ARL15: variants seen among roughly 807,000 people sequenced by gnomAD.
ARL15 encodes the protein ADP-ribosylation factor-like protein 15.
ARL15 carries 19 observed loss-of-function variants against 25.2 expected under a neutral mutation model. The ratio of observed to expected loss-of-function variants is 0.75; its 90% CI spans 0.53 to 1.10. The LOEUF is 1.10. Ranked by LOEUF, ARL15 falls within the 50% of genes least tolerant of loss-of-function variation. The pLI is 0.00. For missense variants in ARL15, 220 were observed against 246.0 expected (o/e 0.89, Z 0.71); for synonymous variants, 94 against 86.8 (o/e 1.08, Z -0.46).
At chr5:54,097,687 T>C (rs1202312657) in intron 4 of ARL15, among the ~76,000 whole-genome samples, 1 of 152,242 alleles carries the variant, frequency 6.6e-6, no homozygotes, top group African/African-American at 2.4e-5. Context: ...TGGTTATTTT[T>C]TGGTAAGCCA....
intron 1 of ARL15, among the ~76,000 whole-genome samples, chr5:54,298,878 G>C (rs1405450032): frequency 1.5e-5 from 2 of 131,516 alleles, no homozygotes; most frequent in Non-Finnish European, 3.2e-5. Context: ...CTTTCTGGTT[G>C]CTGTTGGTTT....
At chr5:54,126,555 C>G (rs1236844541) in intron 3 of ARL15, among the ~76,000 whole-genome samples, 1 of 152,178 alleles carries the variant, frequency 6.6e-6, no homozygotes, top group Non-Finnish European at 1.5e-5. Context: ...ATGTGTCCCC[C>G]AAAAAGCATG....
At chr5:54,128,005 T>C (rs749410260) in intron 3 of ARL15, among the ~76,000 whole-genome samples, 2 of 151,352 alleles carry the variant, frequency 1.3e-5, no homozygotes, top group Non-Finnish European at 1.5e-5. Flanking sequence ...TTACACCTTA[T>C]ACAAAAATTA....
chr5:54,060,306 G>A (rs6897728), intron 4 of ARL15, among the ~76,000 whole-genome samples: 15,843 of 152,024 alleles, frequency 0.1, 1,222 homozygotes, highest in African/African-American at 0.21. Context: ...GTGCATTCCT[G>A]TAATCCCCGC....
At chr5:53,978,343 T>A (rs1580135782) in intron 4 of ARL15, among the ~76,000 whole-genome samples, 1 of 151,940 alleles carries the variant, frequency 6.6e-6, no homozygotes, top group East Asian at 1.9e-4. Flanking sequence ...AACCACTTGG[T>A]TTGCAATGAG....
At chr5:54,118,617 A>T (rs1460590687) in intron 3 of ARL15, among the ~76,000 whole-genome samples, 1 of 152,216 alleles carries the variant, frequency 6.6e-6, no homozygotes, top group Non-Finnish European at 1.5e-5. Context: ...TAAAAGTCTT[A>T]CTTTAAACTA....
In ARL15 at chr5:53,938,842, T is replaced by C. The variant is rs1386777586; in HGVS notation, c.463-52129A>G. 2.0e-5 allele frequency among the ~76,000 whole-genome samples: 3 copies of C among 150,104 alleles called. No homozygotes were observed. The Admixed American group carries it at 2.0e-4, about 10-fold the overall frequency. ...CTGGGTGACAGAGAGAGACTCTGTC[T>C]CAAAAATAAATAAATAAATAAAATG... On this transcript the variant is annotated intron_variant, in intron 4 of 4. Transcript: ENST00000504924.
At chr5:54,112,487 G>T (rs930585994) in intron 4 of ARL15, among the ~76,000 whole-genome samples, 2 of 152,080 alleles carry the variant, frequency 1.3e-5, no homozygotes, top group Non-Finnish European at 2.9e-5. Flanking sequence ...AAGTATAAAG[G>T]AATACATCAG....
intron 4 of ARL15, among the ~76,000 whole-genome samples, chr5:53,954,656 G>A (rs1404008080): frequency 6.6e-6 from 1 of 152,060 alleles, no homozygotes; most frequent in Admixed American, 6.5e-5. Flanking sequence ...AATCCACACA[G>A]TGTTAGGCCT....
chr5:54,124,879 G>T (rs1313172312), intron 3 of ARL15, among the ~76,000 whole-genome samples: 2 of 152,088 alleles, frequency 1.3e-5, no homozygotes, highest in Admixed American at 1.3e-4. Context: ...TAGACTCTAA[G>T]ATGACCTCCA....
intron 4 of ARL15, among the ~76,000 whole-genome samples, chr5:53,948,455 G>A (rs1370025487): frequency 5.3e-5 from 8 of 152,150 alleles, no homozygotes; most frequent in Non-Finnish European, 2.9e-5. Flanking sequence ...CGGTATTTGC[G>A]TAACAGTGGT....
chr5:53,973,179 G>T (rs1199050594), intron 4 of ARL15, among the ~76,000 whole-genome samples: 4 of 152,082 alleles, frequency 2.6e-5, no homozygotes. Flanking sequence ...AATAAACAGA[G>T]AATGGAAATT....
intron 1 of ARL15, among the ~76,000 whole-genome samples, chr5:54,181,866 T>C (rs955713824): frequency 4.6e-5 from 7 of 150,688 alleles, no homozygotes; most frequent in Non-Finnish European, 8.9e-5. Context: ...TGATATCTCA[T>C]AGTGGTTTTG....
At chr5:54,006,918 C>T (rs1178601691) in intron 4 of ARL15, among the ~76,000 whole-genome samples, 1 of 152,070 alleles carries the variant, frequency 6.6e-6, no homozygotes, top group Non-Finnish European at 1.5e-5. Flanking sequence ...TGGAGAAACC[C>T]TGTCTCTACT....
chr5:54,081,912 C>T (rs937051473), intron 4 of ARL15, among the ~76,000 whole-genome samples: 1 of 151,634 alleles, frequency 6.6e-6, no homozygotes, highest in Admixed American at 6.6e-5. Context: ...GCCAACATAG[C>T]GAAACCCCGT....
rs149027298 is a variant in ARL15 at position 54,125,326 on chromosome 5, G to A, written c.254-11916C>T. Among the ~76,000 whole-genome samples the A allele has an allele frequency of 2.9e-3, 441 of 152,188 alleles. 2 individuals carry two copies. Among genetic ancestry groups the A allele is most frequent in the African/African-American group, 0.01 (431 of 41,528 alleles). ...TGGGATTACAGGCGTGAGCCACCGC[G>A]CCCAGCCCCAGTACGCAAGTTTTTA... is the stretch of plus-strand genomic sequence containing the variant. On this transcript the variant is annotated intron_variant, in intron 3 of 4. Coordinates refer to ENST00000504924, the MANE Select transcript of ARL15 (RefSeq NM_019087.3).
At chr5:54,244,450 A>G (rs1054242276) in intron 1 of ARL15, among the ~76,000 whole-genome samples, 3 of 152,194 alleles carry the variant, frequency 2.0e-5, no homozygotes, top group African/African-American at 7.2e-5. Context: ...AAATGAATGT[A>G]TTTTAATACC....
At chr5:54,135,372 A>G (rs1358038234) in intron 3 of ARL15, among the ~76,000 whole-genome samples, 1 of 152,212 alleles carries the variant, frequency 6.6e-6, no homozygotes, top group Non-Finnish European at 1.5e-5. Context: ...GGACCCCACA[A>G]TTTAATACTT....
intron 4 of ARL15, among the ~76,000 whole-genome samples, chr5:54,009,864 T>C (rs751061207): frequency 1.5e-4 from 23 of 152,114 alleles, no homozygotes; most frequent in Non-Finnish European, 2.9e-4. Flanking sequence ...CAGTTCCAGT[T>C]ATCAGAGCTC....
Sources: gnomAD v4.1 joint callset for allele counts (sites outside exome capture counted in the v4.1 genomes callset) on GRCh38, gnomAD v4.1.1 for gene constraint, MANE v1.5 for transcripts, NCBI Gene and HGNC (gene_info 2026-07-23, HGNC 2026-07-21) for gene names.